The following PARD3B variants were observed in gnomAD, a reference collection of about 807,000 sequenced individuals.
PARD3B encodes the protein par-3 family cell polarity regulator beta.
PARD3B carries 103 observed loss-of-function variants against 130.2 expected under a neutral mutation model. The observed-to-expected ratio is 0.79, with a 90% CI of 0.67 to 0.93. The LOEUF (loss-of-function observed/expected upper bound fraction) is 0.93, where lower values mean the gene tolerates loss of function less well. Ranked by LOEUF, PARD3B falls within the 40% of genes least tolerant of loss-of-function variation. The pLI is 0.00. For synonymous variants in PARD3B, 583 were observed against 553.2 expected (o/e 1.05, Z -0.76); for missense variants, 1,609 against 1,499.2 (o/e 1.07, Z -1.21).
At chr2:204,925,038 T>C (rs1687495120) in intron 2 of PARD3B, among the ~76,000 whole-genome samples, 1 of 150,486 alleles carries the variant, frequency 6.6e-6, no homozygotes, top group Admixed American at 6.6e-5. Context: ...ATCAGGTATA[T>C]AAATATATGT....
intron 22 of PARD3B, among the ~76,000 whole-genome samples, chr2:205,609,035 A>AT (rs967544139): frequency 6.6e-6 from 1 of 152,122 alleles, no homozygotes; most frequent in Non-Finnish European, 1.5e-5. Flanking sequence ...ATGAAAGCGG[A>AT]TTTTTTTCCA....
chr2:204,685,118 A>G (rs2125241408), intron 1 of PARD3B, among the ~76,000 whole-genome samples: 1 of 152,288 alleles, frequency 6.6e-6, no homozygotes, highest in Admixed American at 6.5e-5. Flanking sequence ...TTGAAATTGA[A>G]TTCCGTGGGT....
chr2:205,585,009 T>A lies in PARD3B; in HGVS notation c.3261-30447T>A, dbSNP rs2054143861. On this transcript the variant is annotated intron_variant, in intron 22 of 22. Transcript: ENST00000406610. This position sits in a 1 kb window ranked among gnomAD's most constrained non-coding sequence, Gnocchi z 5.4. ...GTCTAATTGCGCCCACAAATGACCG[T>A]TTGACAGGCACCACTCATTGTGCAC... Among the ~76,000 whole-genome samples the A allele has an allele frequency of 6.6e-6, 1 of 152,154 alleles. No homozygotes were observed. Among genetic ancestry groups the A allele is most frequent in the Admixed American group, 6.5e-5 (1 of 15,270 alleles).
chr2:205,202,114 G>A (rs2037025146), intron 15 of PARD3B, among the ~76,000 whole-genome samples: 2 of 151,850 alleles, frequency 1.3e-5, no homozygotes, highest in African/African-American at 4.8e-5. Context: ...ACCAACATTT[G>A]GATTAACCAA....
chr2:204,781,039 G>A (rs565449045), intron 2 of PARD3B, among the ~76,000 whole-genome samples: 1 of 152,210 alleles, frequency 6.6e-6, no homozygotes, highest in East Asian at 1.9e-4. Flanking sequence ...AGTCCCCTTT[G>A]GAGAAGGCAG....
At chr2:205,130,723 C>T (rs2031920588) in intron 10 of PARD3B, among the ~76,000 whole-genome samples, 1 of 152,126 alleles carries the variant, frequency 6.6e-6, no homozygotes, top group African/African-American at 2.4e-5. Flanking sequence ...TTCTACCTGC[C>T]ACGTTTGCCT....
At chr2:205,164,792 T>C (rs1445399222) in intron 11 of PARD3B, among the ~76,000 whole-genome samples, 1 of 150,368 alleles carries the variant, frequency 6.7e-6, no homozygotes, top group African/African-American at 2.5e-5. Context: ...TTCGTCTTCA[T>C]TATGGGTACC....
chr2:204,810,835 G>A (rs2042936667), intron 2 of PARD3B, among the ~76,000 whole-genome samples: 1 of 152,054 alleles, frequency 6.6e-6, no homozygotes, highest in Non-Finnish European at 1.5e-5. Context: ...AATTTGATGG[G>A]GAGGAGTCCC....
chr2:204,982,346 C>T (rs1184604696), intron 3 of PARD3B, among the ~76,000 whole-genome samples: 1 of 152,038 alleles, frequency 6.6e-6, no homozygotes, highest in Non-Finnish European at 1.5e-5. Flanking sequence ...AGCTACTCAC[C>T]CTGTTTTCTC....
chr2:204,697,929 A>C (rs1242848923), intron 2 of PARD3B, among the ~76,000 whole-genome samples: 1 of 152,114 alleles, frequency 6.6e-6, no homozygotes, highest in Non-Finnish European at 1.5e-5. Flanking sequence ...TCCTTCTGGG[A>C]AAGATCGTTT....
chr2:204,686,239 A>C lies in PARD3B; in HGVS notation c.179A>C (p.Asp60Ala). The change falls in exon 2 of 23, where the codon GAT (aspartate) becomes GCT (alanine). Residue 60 changes from aspartate (D) to alanine (A), a missense_variant. Coordinates refer to ENST00000406610, the MANE Select transcript of PARD3B (RefSeq NM_001302769.2). The part of the protein sequence containing the change: ...HLEYTDGGIL[D>A]PDDVLADVVE... ...GAATATACAGATGGAGGAATCCTGG[A>C]TCCAGATGATGTCTTGGCAGATGTT... 1 of 1,612,884 alleles carries C rather than the reference A, an allele frequency of 6.2e-7. No homozygotes were observed. The highest frequency in any genetic ancestry group is 8.5e-7 in the Non-Finnish European group (1 of 1,179,024).
intron 5 of PARD3B, 76 bp downstream of exon 5, chr2:205,104,590 T>C (rs1334625588): frequency 1.9e-6 from 2 of 1,044,526 alleles, no homozygotes; most frequent in Non-Finnish European, 2.9e-6. Context: ...TAATTGTTCT[T>C]ACTTTACAAG....
chr2:204,582,496 T>A (rs2032609827), intron 1 of PARD3B, among the ~76,000 whole-genome samples: 1 of 92,002 alleles, frequency 1.1e-5, no homozygotes, highest in Non-Finnish European at 3.2e-5. Flanking sequence ...TGAAAATAGA[T>A]TGAGGTTCCC....
At chr2:205,328,016 G>A (rs1351554790) in intron 18 of PARD3B, among the ~76,000 whole-genome samples, 1 of 152,026 alleles carries the variant, frequency 6.6e-6, no homozygotes, top group Admixed American at 6.6e-5. Flanking sequence ...TAGGGATCAA[G>A]CACTCTTATG....
intron 1 of PARD3B, among the ~76,000 whole-genome samples, chr2:204,684,094 A>G (rs2036965035): frequency 6.6e-6 from 1 of 152,156 alleles, no homozygotes; most frequent in Non-Finnish European, 1.5e-5. Flanking sequence ...ATTTTAAATT[A>G]GGACTCTTTG....
intron 2 of PARD3B, among the ~76,000 whole-genome samples, chr2:204,746,203 T>A (rs1474532494): frequency 7.0e-6 from 1 of 143,350 alleles, no homozygotes; most frequent in African/African-American, 2.6e-5. Context: ...CATTGTTCAA[T>A]TCCCACCTAT....
At chr2:204,717,704 G>C (rs950470158) in intron 2 of PARD3B, among the ~76,000 whole-genome samples, 1 of 152,172 alleles carries the variant, frequency 6.6e-6, no homozygotes, top group Non-Finnish European at 1.5e-5. Flanking sequence ...TAGTCACAGA[G>C]CCAAATTGGG....
Position 205,550,611 on chromosome 2 carries a change from T to A in PARD3B, c.3181-2713T>A, listed in dbSNP as rs2052573932. Among the ~76,000 whole-genome samples the A allele has an allele frequency of 2.0e-5, 3 of 152,210 alleles. No homozygotes were observed. Among genetic ancestry groups the A allele is most frequent in the Admixed American group, 2.0e-4 (3 of 15,280 alleles). Reference sequence around the variant, plus strand: ...ATCCTGAATGGCACTTGAAAATACATTATCCTATTTCATTCTTTGGTTATT... The same window carrying A: ...ATCCTGAATGGCACTTGAAAATACAATATCCTATTTCATTCTTTGGTTATT... On this transcript the variant is annotated intron_variant, in intron 21 of 22. Transcript: ENST00000406610. This position sits in a 1 kb window ranked among gnomAD's most constrained non-coding sequence, Gnocchi z 4.5.
intron 4 of PARD3B, among the ~76,000 whole-genome samples, chr2:205,075,369 G>T (rs554018260): frequency 5.3e-5 from 8 of 152,058 alleles, no homozygotes; most frequent in Admixed American, 1.3e-4. Flanking sequence ...GTGAAGATAG[G>T]AATTATTGCA....
Sources: gnomAD v4.1 joint callset for allele counts (sites outside exome capture counted in the v4.1 genomes callset) on GRCh38, gnomAD v4.1.1 for gene constraint, Gnocchi (gnomAD v3.1) non-coding constraint, MANE v1.5 for transcripts, NCBI Gene and HGNC (gene_info 2026-07-23, HGNC 2026-07-21) for gene names.